The following PPFIA2 variants were observed in gnomAD, a reference collection of about 807,000 sequenced individuals.
PPFIA2 encodes the protein PPFI scaffold protein A2.
In PPFIA2, 46 loss-of-function variants were observed where a neutral mutation model predicts 175.5. That is an observed-to-expected ratio of 0.26 (90% CI 0.21 to 0.34). PPFIA2 has a LOEUF of 0.34. Among genes scored for constraint, PPFIA2 ranks in the 10% least tolerant of loss-of-function variants. PPFIA2 has a pLI of 1.00. For synonymous variants in PPFIA2, 568 were observed against 511.4 expected (o/e 1.11, Z -1.49); for missense variants, 1,179 against 1,506.1 (o/e 0.78, Z 3.60).
Position 81,672,487 on chromosome 12 carries a change from G to GA in PPFIA2, c.303+4303dup, listed in dbSNP as rs950678928. 1.1e-4 allele frequency among the ~76,000 whole-genome samples: 16 copies of GA among 151,502 alleles called. 1 individual carries two copies. The highest frequency in any genetic ancestry group is 4.2e-4 in the South Asian group (2 of 4,814). On this transcript the variant is annotated intron_variant, in intron 4 of 32. Transcript: ENST00000549396. ...AGTACAATTCTGTTTCCTCAGTGGG[G>GA]AAAAAAAACCTAATAGAGCTTAAGA...
Position 81,465,947 on chromosome 12 carries a change from T to C in PPFIA2, c.304-8081A>G, listed in dbSNP as rs79733709. ...TATGCAATATTTTTATTTTATTATG[T>C]AATCAAATGCAGTGTTAATGACCTC... On this transcript the variant is annotated intron_variant, in intron 4 of 32. Transcript: ENST00000549396. 1.6e-3 allele frequency among the ~76,000 whole-genome samples: 243 copies of C among 152,302 alleles called. 3 individuals carry two copies. In the East Asian group the frequency reaches 0.028, roughly 17 times the overall value.
chr12:81,263,632 A>G (rs1168109423), intron 30 of PPFIA2, among the ~76,000 whole-genome samples: 1 of 152,238 alleles, frequency 6.6e-6, no homozygotes, highest in Non-Finnish European at 1.5e-5. Context: ...TCTGACATCT[A>G]TACAGTAAAT....
chr12:81,531,164 C>T (rs139344210), intron 4 of PPFIA2, among the ~76,000 whole-genome samples: 13 of 151,912 alleles, frequency 8.6e-5, no homozygotes, highest in Non-Finnish European at 1.2e-4. Context: ...TTATTCCCAG[C>T]GAATAGAAGC....
intron 4 of PPFIA2, among the ~76,000 whole-genome samples, chr12:81,652,265 C>G (rs2067138001): frequency 6.7e-6 from 1 of 148,556 alleles, no homozygotes; most frequent in Non-Finnish European, 1.5e-5. Flanking sequence ...AAATTTAAAA[C>G]AGAATACCAT....
At chr12:81,539,748 A>T (rs1162543278) in intron 4 of PPFIA2, among the ~76,000 whole-genome samples, 1 of 151,982 alleles carries the variant, frequency 6.6e-6, no homozygotes, top group Non-Finnish European at 1.5e-5. Context: ...AACTAGATAC[A>T]GAACGAAGCA....
intron 4 of PPFIA2, among the ~76,000 whole-genome samples, chr12:81,629,456 C>A (rs1393858457): frequency 6.6e-6 from 1 of 152,020 alleles, no homozygotes; most frequent in Admixed American, 6.6e-5. Context: ...TCAAACATCA[C>A]CTCTCTCATC....
intron 6 of PPFIA2, among the ~76,000 whole-genome samples, chr12:81,443,403 C>T (rs191810149): frequency 1.7e-3 from 262 of 152,196 alleles, no homozygotes; most frequent in African/African-American, 5.9e-3. Context: ...GTTCAGAATA[C>T]CTATGGTGAG....
chr12:81,402,915 C>T (rs1596139551), intron 8 of PPFIA2, among the ~76,000 whole-genome samples: 2 of 152,164 alleles, frequency 1.3e-5, no homozygotes, highest in East Asian at 3.9e-4. Flanking sequence ...ATTGGAACAT[C>T]CTGAGAAATC....
intron 14 of PPFIA2, among the ~76,000 whole-genome samples, chr12:81,364,804 T>C (rs755219139): frequency 6.6e-6 from 1 of 151,786 alleles, no homozygotes; most frequent in Non-Finnish European, 1.5e-5. Context: ...GGACTAGATG[T>C]GGGATATGAA....
chr12:81,549,194 C>G (rs2067478519), intron 4 of PPFIA2, among the ~76,000 whole-genome samples: 2 of 151,856 alleles, frequency 1.3e-5, no homozygotes, highest in Admixed American at 6.6e-5. Context: ...CATTTATATA[C>G]AGTTCTAGCT....
At chr12:81,347,094 A>G (rs2059196671) in intron 18 of PPFIA2, among the ~76,000 whole-genome samples, 1 of 148,752 alleles carries the variant, frequency 6.7e-6, no homozygotes, top group Non-Finnish European at 1.5e-5. Flanking sequence ...CACCACACCC[A>G]GCTAATTTTT....
chr12:81,591,254 T>A (rs932360849), intron 4 of PPFIA2, among the ~76,000 whole-genome samples: 3 of 152,136 alleles, frequency 2.0e-5, no homozygotes, highest in Non-Finnish European at 4.4e-5. Flanking sequence ...GCAGAAGAAA[T>A]TTCAAAGCAG....
chr12:81,617,608 A>G (rs545343031), intron 4 of PPFIA2, among the ~76,000 whole-genome samples: 24 of 152,312 alleles, frequency 1.6e-4, no homozygotes, highest in Middle Eastern at 3.4e-3. Context: ...GAGAAAATCC[A>G]AAGTCTTATC....
chr12:81,303,137 T>C (rs996952023), intron 22 of PPFIA2, among the ~76,000 whole-genome samples: 1 of 152,192 alleles, frequency 6.6e-6, no homozygotes, highest in Non-Finnish European at 1.5e-5. Context: ...TGGATTTTCT[T>C]TGTAGCCAGA....
intron 4 of PPFIA2, among the ~76,000 whole-genome samples, chr12:81,469,368 G>A (rs950813862): frequency 3.9e-5 from 6 of 152,276 alleles, no homozygotes; most frequent in African/African-American, 9.6e-5. Context: ...AAAAGACATC[G>A]TAAATAGAAG....
intron 4 of PPFIA2, among the ~76,000 whole-genome samples, chr12:81,470,827 C>T (rs2056595025): frequency 6.6e-6 from 1 of 152,142 alleles, no homozygotes; most frequent in East Asian, 1.9e-4. Context: ...ACCAAAGGCA[C>T]TATGTTGATC....
At chr12:81,446,546 A>C (rs1368998879) in intron 5 of PPFIA2, among the ~76,000 whole-genome samples, 3 of 152,210 alleles carry the variant, frequency 2.0e-5, no homozygotes, top group Non-Finnish European at 4.4e-5. Context: ...AAATTGCTTG[A>C]TTATTTTCAG....
At chr12:81,345,934 T>C (rs1317980455) in intron 18 of PPFIA2, among the ~76,000 whole-genome samples, 1 of 152,156 alleles carries the variant, frequency 6.6e-6, no homozygotes, top group African/African-American at 2.4e-5. Flanking sequence ...CAGTTCTGAT[T>C]AGCTGGGCAT....
chr12:81,638,887 C>T, intron 4 of PPFIA2, among the ~76,000 whole-genome samples: 1 of 150,974 alleles, frequency 6.6e-6, no homozygotes. Context: ...CGGGGTTTCA[C>T]CGTTTTAGCC....
Sources: gnomAD v4.1 joint callset for allele counts (sites outside exome capture counted in the v4.1 genomes callset) on GRCh38, gnomAD v4.1.1 for gene constraint, MANE v1.5 for transcripts, NCBI Gene and HGNC (gene_info 2026-07-23, HGNC 2026-07-21) for gene names.